The following RAD51B variants were observed in gnomAD, a reference collection of about 807,000 sequenced individuals.
The protein encoded by RAD51B is DNA repair protein RAD51 homolog 2.
A neutral mutation model predicts 42.2 loss-of-function variants in RAD51B; 38 were observed. That is an observed-to-expected ratio of 0.90 (90% CI 0.70 to 1.18). The LOEUF (loss-of-function observed/expected upper bound fraction) is 1.18, where lower values mean the gene tolerates loss of function less well. Among genes scored for constraint, RAD51B ranks in the 50% most tolerant of loss-of-function variants. The pLI is 0.00. For synonymous variants in RAD51B, 154 were observed against 145.2 expected (o/e 1.06, Z -0.43); for missense variants, 373 against 400.7 (o/e 0.93, Z 0.59).
chr14:68,465,056 T>C (rs1012582654), intron 9 of RAD51B, among the ~76,000 whole-genome samples: 2 of 152,228 alleles, frequency 1.3e-5, no homozygotes, highest in African/African-American at 2.4e-5. Context: ...TTGTGTCTCA[T>C]TGAAATATTA....
In RAD51B at chr14:68,514,052, G is replaced by A. The variant is rs557943753; in HGVS notation, c.1036+45802G>A. ...GTCTCACTACAGGTGCTCAGCAAAC[G>A]GTGGTCACTGTGATTGATCATGTGA... On this transcript the variant is annotated intron_variant, in intron 10 of 10. Transcript: ENST00000487270. Among the ~76,000 whole-genome samples the A allele has an allele frequency of 5.3e-5, 8 of 152,318 alleles. No individual in the cohort carries two copies. In the East Asian group the frequency reaches 1.2e-3, roughly 22 times the overall value.
chr14:68,598,703 G>A (rs562347027), downstream of RAD51B, among the ~76,000 whole-genome samples: 3 of 152,334 alleles, frequency 2.0e-5, no homozygotes, highest in Non-Finnish European at 4.4e-5. Context: ...AGTGTGTTCT[G>A]GAAGGTTCTC....
At chr14:68,186,600 A>G (rs1453389823) in intron 7 of RAD51B, among the ~76,000 whole-genome samples, 2 of 152,224 alleles carry the variant, frequency 1.3e-5, no homozygotes, top group Non-Finnish European at 2.9e-5. Flanking sequence ...AGCAACCAAC[A>G]AACATATGAA....
chr14:68,099,676 T>C (rs1260865118), intron 7 of RAD51B, among the ~76,000 whole-genome samples: 1 of 152,098 alleles, frequency 6.6e-6, no homozygotes, highest in South Asian at 2.1e-4. Context: ...AAGAAAACTG[T>C]GTAAATTTGC....
At chr14:67,994,582 A>G (rs956958191) in intron 7 of RAD51B, among the ~76,000 whole-genome samples, 1 of 152,160 alleles carries the variant, frequency 6.6e-6, no homozygotes, top group African/African-American at 2.4e-5. Context: ...GCTCCTTTGT[A>G]TGACTAAGCT....
chr14:68,669,994 G>A (rs1381018750), intron 11 of RAD51B, among the ~76,000 whole-genome samples: 6 of 152,170 alleles, frequency 3.9e-5, no homozygotes, highest in Middle Eastern at 3.2e-3. Context: ...TGGCACGGAA[G>A]TCCCAGAATG....
chr14:68,637,158 C>T (rs1382790944), intron 10 of RAD51B, among the ~76,000 whole-genome samples: 1 of 152,130 alleles, frequency 6.6e-6, no homozygotes, highest in Non-Finnish European at 1.5e-5. Context: ...TAGCTCACTG[C>T]AGCCTCAAAC....
rs116043708 is a variant in RAD51B at position 68,258,581 on chromosome 14, A to G, written c.757-33303A>G. Among the ~76,000 whole-genome samples, 856 of 152,274 alleles carry G rather than the reference A, an allele frequency of 5.6e-3. 13 individuals are homozygous for G. Among genetic ancestry groups the G allele is most frequent in the African/African-American group, 0.02 (811 of 41,534 alleles). On this transcript the variant is annotated intron_variant, in intron 7 of 10. Coordinates refer to ENST00000471583, the MANE Select transcript of RAD51B (RefSeq NM_133510.4). ...GCGATGGTTTTTGTGTCTTAAAAAA[A>G]CTTAAAGATGCTGGGTTCATGACTA... is the stretch of plus-strand genomic sequence containing the variant.
intron 10 of RAD51B, chr14:68,469,019 G>A (rs951201363): frequency 2.3e-6 from 1 of 432,424 alleles, no homozygotes; most frequent in Non-Finnish European, 4.9e-6. Context: ...AATGTCAGAT[G>A]TACAAAACTG....
intron 11 of RAD51B, among the ~76,000 whole-genome samples, chr14:68,667,066 C>A (rs1893046235): frequency 6.6e-6 from 1 of 152,176 alleles, no homozygotes; most frequent in South Asian, 2.1e-4. Context: ...AGCAGCATAA[C>A]CTTTCACATT....
chr14:68,126,180 A>G (rs1225761375), intron 7 of RAD51B, among the ~76,000 whole-genome samples: 3 of 152,156 alleles, frequency 2.0e-5, no homozygotes, highest in African/African-American at 7.2e-5. Flanking sequence ...ATAATTTTTT[A>G]CTGTAGTAAC....
intron 8 of RAD51B, among the ~76,000 whole-genome samples, chr14:68,344,946 CAAAA>C (rs34579667): frequency 8.8e-6 from 1 of 113,262 alleles, no homozygotes. Context: ...GACTCAATCT[CAAAA>C]AAAAAAAAAA....
At chr14:67,904,900 A>C (rs777953447) in intron 7 of RAD51B, among the ~76,000 whole-genome samples, 43 of 148,644 alleles carry the variant, frequency 2.9e-4, no homozygotes, top group Admixed American at 5.3e-4. Context: ...TTGTTGTAAC[A>C]GATCTCTTTC....
intron 7 of RAD51B, among the ~76,000 whole-genome samples, chr14:68,046,964 GT>G (rs892993882): frequency 1.1e-3 from 159 of 142,368 alleles, no homozygotes; most frequent in African/African-American, 2.7e-3. Context: ...TTTGCTTTTT[GT>G]TTTTTTTTTT....
At chr14:67,833,174 G>A (rs1425682595) in intron 3 of RAD51B, among the ~76,000 whole-genome samples, 5 of 152,204 alleles carry the variant, frequency 3.3e-5, no homozygotes, top group African/African-American at 4.8e-5. Flanking sequence ...GCAGGAGTTC[G>A]AGACCAGCCT....
chr14:68,497,352 C>A, intron 10 of RAD51B: 2 of 1,231,552 alleles, frequency 1.6e-6, no homozygotes, highest in South Asian at 1.9e-5. Flanking sequence ...CAGTAATCTG[C>A]ATCATAAGCT....
intron 7 of RAD51B, among the ~76,000 whole-genome samples, chr14:68,126,681 A>C (rs896869829): frequency 2.0e-5 from 3 of 152,214 alleles, no homozygotes; most frequent in Non-Finnish European, 4.4e-5. Context: ...TTTTCCAATC[A>C]AAATGGATTC....
intron 3 of RAD51B, 69 bp downstream of exon 3, chr14:67,825,646 G>C: frequency 8.4e-7 from 1 of 1,183,538 alleles, no homozygotes; most frequent in African/African-American, 1.6e-5. Context: ...TTTTTTTAGG[G>C]ATGAGGCACA....
chr14:68,413,630 GA>G (rs1399348587), intron 9 of RAD51B, among the ~76,000 whole-genome samples: 2 of 152,142 alleles, frequency 1.3e-5, no homozygotes, highest in Non-Finnish European at 2.9e-5. Flanking sequence ...GTTTGATATA[GA>G]AAAAACATGT....
Sources: gnomAD v4.1 joint callset for allele counts (sites outside exome capture counted in the v4.1 genomes callset) on GRCh38, gnomAD v4.1.1 for gene constraint, MANE v1.5 for transcripts, NCBI Gene and HGNC (gene_info 2026-07-23, HGNC 2026-07-21) for gene names.